Variants in DYNC1I1 observed in about 807,000 individuals in gnomAD.
DYNC1I1 encodes dynein cytoplasmic 1 intermediate chain 1.
A neutral mutation model predicts 86.6 loss-of-function variants in DYNC1I1; 43 were observed. The observed-to-expected ratio is 0.50, with a 90% CI of 0.39 to 0.64. The LOEUF (loss-of-function observed/expected upper bound fraction) is 0.64, where lower values mean the gene tolerates loss of function less well. DYNC1I1 is among the 30% of genes least tolerant of loss of function. The pLI is 0.00. For synonymous variants in DYNC1I1, 262 were observed against 283.7 expected, an observed-to-expected ratio of 0.92 and a Z score of 0.77; for missense variants, 604 against 788.8, an observed-to-expected ratio of 0.77 and a Z score of 2.81.
intron 16 of DYNC1I1, among the ~76,000 whole-genome samples, chr7:96,085,724 T>G (rs42071): frequency 0.84 from 127,043 of 152,100 alleles, 53,172 homozygotes; most frequent in Middle Eastern, 0.9. Context: ...ACATAGACAG[T>G]GGTTGCATGC....
At chr7:95,819,986 A>G (rs1050897068) in intron 4 of DYNC1I1, among the ~76,000 whole-genome samples, 2 of 152,188 alleles carry the variant, frequency 1.3e-5, no homozygotes, top group African/African-American at 4.8e-5. Flanking sequence ...AGATTTTGGG[A>G]AAACATGCTC....
At chr7:95,973,532 T>TA (rs138557485) in intron 6 of DYNC1I1, among the ~76,000 whole-genome samples, 73,490 of 151,826 alleles carry the variant, frequency 0.48, 18,183 homozygotes, top group African/African-American at 0.56. Context: ...TTGTTGTGAG[T>TA]GTTTTTTTAG....
At chr7:95,848,902 C>T (rs1420947991) in intron 5 of DYNC1I1, among the ~76,000 whole-genome samples, 2 of 151,948 alleles carry the variant, frequency 1.3e-5, no homozygotes, top group East Asian at 3.9e-4. Flanking sequence ...GTCTTTTGTC[C>T]TTCTGATCAT....
chr7:95,782,265 G>GT (rs1272314856), intron 1 of DYNC1I1, among the ~76,000 whole-genome samples: 1 of 152,140 alleles, frequency 6.6e-6, no homozygotes, highest in African/African-American at 2.4e-5. Context: ...TGGAATTTTC[G>GT]TAATAAACTC....
At chr7:96,065,334 C>T (rs1327182023) in intron 14 of DYNC1I1, among the ~76,000 whole-genome samples, 3 of 151,628 alleles carry the variant, frequency 2.0e-5, no homozygotes, top group Non-Finnish European at 4.4e-5. Flanking sequence ...CCATAGTCCT[C>T]CTTCTTCTCC....
chr7:96,031,059 T>C (rs1794796805), intron 11 of DYNC1I1, among the ~76,000 whole-genome samples: 1 of 152,108 alleles, frequency 6.6e-6, no homozygotes, highest in Non-Finnish European at 1.5e-5. Context: ...AAAGAGGTGA[T>C]ATAATTGTCA....
chr7:95,871,840 C>A (rs1584113141), intron 6 of DYNC1I1, among the ~76,000 whole-genome samples: 1 of 152,168 alleles, frequency 6.6e-6, no homozygotes, highest in East Asian at 1.9e-4. Context: ...GGCAGAAGTT[C>A]TTTCTGTTTT....
At chr7:96,058,610 G>C (rs1789656372) in intron 14 of DYNC1I1, among the ~76,000 whole-genome samples, 1 of 152,072 alleles carries the variant, frequency 6.6e-6, no homozygotes, top group South Asian at 2.1e-4. Flanking sequence ...GGAAGAAACA[G>C]TGTGGAAACC....
chr7:95,789,580 T>G (rs1232311455), intron 1 of DYNC1I1, among the ~76,000 whole-genome samples: 1 of 152,214 alleles, frequency 6.6e-6, no homozygotes, highest in Admixed American at 6.5e-5. Context: ...CTGCCAGTGC[T>G]CTGTGAATAC....
intron 6 of DYNC1I1, among the ~76,000 whole-genome samples, chr7:95,938,668 G>A (rs539904884): frequency 1.6e-4 from 25 of 152,182 alleles, no homozygotes; most frequent in African/African-American, 6.0e-4. Flanking sequence ...AAATCTCATA[G>A]GTCTGTTGTA....
At chr7:96,075,920 G>A in intron 14 of DYNC1I1, 137 bp from the exon 15 acceptor site, 1 of 1,219,156 alleles carries the variant, frequency 8.2e-7, no homozygotes. Context: ...TTAAAGCTCC[G>A]GTTCACCTTC....
intron 1 of DYNC1I1, among the ~76,000 whole-genome samples, chr7:95,773,145 A>G (rs925702649): frequency 1.3e-5 from 2 of 152,194 alleles, no homozygotes; most frequent in Non-Finnish European, 2.9e-5. Context: ...CCTCTGGGCC[A>G]CCGGCTGACT....
At chr7:96,098,947 G>C (rs1241301904), downstream of DYNC1I1, among the ~76,000 whole-genome samples, 1 of 152,100 alleles carries the variant, frequency 6.6e-6, no homozygotes, top group East Asian at 1.9e-4. Flanking sequence ...TCCTTCAACT[G>C]TACGGTTTCT....
At chr7:96,034,643 C>G (rs1477179055) in intron 12 of DYNC1I1, among the ~76,000 whole-genome samples, 1 of 152,184 alleles carries the variant, frequency 6.6e-6, no homozygotes, top group Non-Finnish European at 1.5e-5. Context: ...GACATAGTCA[C>G]AGCATCCTCT....
intron 5 of DYNC1I1, among the ~76,000 whole-genome samples, chr7:95,829,543 C>A (rs1036607252): frequency 1.3e-5 from 2 of 152,036 alleles, no homozygotes; most frequent in Non-Finnish European, 2.9e-5. Flanking sequence ...AAAAAACAGG[C>A]AGGGGAAAGA....
At chr7:96,110,242 T>G, downstream of DYNC1I1, 1 of 240,630 alleles carries the variant, frequency 4.2e-6, no homozygotes, top group Non-Finnish European at 8.5e-6. Context: ...TTCATGTGTT[T>G]GCGATGAACT....
At chr7:96,083,423 C>T (rs1790581015) in intron 16 of DYNC1I1, among the ~76,000 whole-genome samples, 1 of 147,122 alleles carries the variant, frequency 6.8e-6, no homozygotes, top group African/African-American at 2.7e-5. Flanking sequence ...AAATGACTTC[C>T]CTACATCTGA....
At chr7:96,088,446 A>T (rs975739889) in intron 16 of DYNC1I1, among the ~76,000 whole-genome samples, 4 of 152,134 alleles carry the variant, frequency 2.6e-5, no homozygotes, top group African/African-American at 9.7e-5. Flanking sequence ...GTGGTTTCAA[A>T]CTGTCATCTT....
chr7:95,838,802 T>C (rs928300098), intron 5 of DYNC1I1, among the ~76,000 whole-genome samples: 2 of 152,186 alleles, frequency 1.3e-5, no homozygotes, highest in Non-Finnish European at 2.9e-5. Flanking sequence ...GTGGAAATGC[T>C]TTCTTGATTT....
Sources: gnomAD v4.1 joint callset for allele counts (sites outside exome capture counted in the v4.1 genomes callset) on GRCh38, gnomAD v4.1.1 for gene constraint, MANE v1.5 for transcripts, NCBI Gene and HGNC (gene_info 2026-07-23, HGNC 2026-07-21) for gene names.